The following PCDHA5 variants were observed in gnomAD, a reference collection of about 807,000 sequenced individuals.
PCDHA5 encodes protocadherin alpha 5, also known as protocadherin alpha-5.
PCDHA5 carries 43 observed loss-of-function variants against 61.6 expected under a neutral mutation model. The ratio of observed to expected loss-of-function variants is 0.70; its 90% CI spans 0.55 to 0.90. The LOEUF (loss-of-function observed/expected upper bound fraction) is 0.90, where lower values mean the gene tolerates loss of function less well. PCDHA5 is among the 40% of genes least tolerant of loss of function. The pLI is 0.00. For synonymous variants in PCDHA5, 627 were observed against 543.9 expected (o/e 1.15, Z -2.13); for missense variants, 1,298 against 1,222.7 (o/e 1.06, Z -0.92).
intron 1 of PCDHA5, chr5:140,843,171 G>A: frequency 6.3e-7 from 1 of 1,596,072 alleles, no homozygotes; most frequent in Non-Finnish European, 8.6e-7. Context: ...GCTGCAAGCA[G>A]CCCTCGCATC....
intron 1 of PCDHA5, chr5:140,883,195 T>A (rs781816525): frequency 6.2e-7 from 1 of 1,613,786 alleles, no homozygotes; most frequent in Non-Finnish European, 8.5e-7. Context: ...GCAAACTAGA[T>A]TTCGAAGAAA....
At chr5:140,962,270 A>T (rs2095668540) in intron 1 of PCDHA5, among the ~76,000 whole-genome samples, 1 of 152,210 alleles carries the variant, frequency 6.6e-6, no homozygotes, top group African/African-American at 2.4e-5. Context: ...TTTATAATTT[A>T]AAAAACCTCA....
chr5:140,927,040 A>T (rs1554203950), intron 1 of PCDHA5: 1 of 1,612,350 alleles, frequency 6.2e-7, no homozygotes, highest in Non-Finnish European at 8.5e-7. Flanking sequence ...AGCGGCCGCT[A>T]TGTCCTCGCG....
intron 3 of PCDHA5, among the ~76,000 whole-genome samples, chr5:140,997,400 G>A (rs1554255862): frequency 3.3e-5 from 5 of 152,056 alleles, no homozygotes; most frequent in Admixed American, 1.3e-4. Context: ...AGGCTCTATC[G>A]TATGGCCTAT....
chr5:140,924,902 A>AAT (rs2082141904), intron 1 of PCDHA5, among the ~76,000 whole-genome samples: 1 of 39,026 alleles, frequency 2.6e-5, no homozygotes, highest in African/African-American at 7.6e-5. Flanking sequence ...CTCAAAAAAA[A>AAT]AAATAAAATA....
rs782421721 is a variant in PCDHA5, at chr5:140,966,807, C to T, written c.2353-12142C>T. Reference sequence around the variant, plus strand: ...ACCAGACCTGCGGCGACAGAGCATCCACGGCTCCGGCGGCCCATGCCCTGG... The same window carrying T: ...ACCAGACCTGCGGCGACAGAGCATCTACGGCTCCGGCGGCCCATGCCCTGG... On this transcript the variant is annotated intron_variant, in intron 1 of 3. Transcript: ENST00000529859. 3 of 1,547,208 alleles carry T rather than the reference C, an allele frequency of 1.9e-6. No homozygotes were observed. The South Asian group carries it at 3.6e-5, about 18-fold the overall frequency.
chr5:140,982,634 T>C, intron 3 of PCDHA5, 71 bp downstream of exon 3: 1 of 1,555,420 alleles, frequency 6.4e-7, no homozygotes, highest in Non-Finnish European at 8.7e-7. Flanking sequence ...TTTTGTAAGA[T>C]CAGGAATGTT....
chr5:140,899,541 T>C (rs1469690137), intron 1 of PCDHA5, among the ~76,000 whole-genome samples: 2 of 152,210 alleles, frequency 1.3e-5, no homozygotes, highest in South Asian at 2.1e-4. Context: ...CACTTGATCA[T>C]GGTGGATAAG....
chr5:140,875,771 C>T lies in PCDHA5; in HGVS notation c.2352+51644C>T, dbSNP rs182160950. 7,595 of 1,614,196 alleles carry T rather than the reference C, an allele frequency of 4.7e-3. 28 individuals carry two copies. Among genetic ancestry groups the T allele is most frequent in the Middle Eastern group, 6.4e-3 (39 of 6,062 alleles). ...CGCGAGAAGCTGTGCGGGCGGAGCG[C>T]GGAGTGCAGTATCCACCTGGAGGTG... On this transcript the variant is annotated intron_variant, in intron 1 of 3. Transcript: ENST00000529859.
Position 140,836,712 on chromosome 5 carries a change from C to T in PCDHA5, c.2352+12585C>T, listed in dbSNP as rs2150268278. On this transcript the variant is annotated intron_variant, in intron 1 of 3. Transcript: ENST00000529859. Reference sequence around the variant, plus strand: ...CCTCATGGCCTTCAGTCCCAGCCTTCCTCAGGGTCCATCCTCTACAGACAA... The same window carrying T: ...CCTCATGGCCTTCAGTCCCAGCCTTTCTCAGGGTCCATCCTCTACAGACAA... 1.9e-6 allele frequency: 3 copies of T among 1,612,872 alleles called. 1 individual carries two copies. In the African/African-American group the frequency reaches 4.0e-5, roughly 22 times the overall value.
chr5:140,883,791 T>C, intron 1 of PCDHA5: 3 of 1,612,422 alleles, frequency 1.9e-6, no homozygotes, highest in Middle Eastern at 3.9e-4. Flanking sequence ...TCGAGCTACG[T>C]GTCGGTGCAC....
intron 1 of PCDHA5, chr5:140,830,558 T>C: frequency 9.8e-7 from 1 of 1,015,990 alleles, no homozygotes; most frequent in Non-Finnish European, 1.3e-6. Context: ...ATTTGTCTTC[T>C]ATATTTCTGT....
intron 1 of PCDHA5, chr5:140,884,671 A>G (rs1554181819): frequency 1.3e-6 from 2 of 1,562,846 alleles, no homozygotes; most frequent in African/African-American, 2.7e-5. Context: ...AGGTAAGCTT[A>G]TATTTTAAAA....
chr5:140,915,960 G>A (rs1554197207), intron 1 of PCDHA5, among the ~76,000 whole-genome samples: 1 of 152,112 alleles, frequency 6.6e-6, no homozygotes, highest in Admixed American at 6.5e-5. Flanking sequence ...TTAGAAATTT[G>A]CCTGATATTT....
At position 141,009,806 on chromosome 5, in the gene PCDHA5, A is replaced by G. The variant is rs781853535; in HGVS notation, c.2680A>G (p.Ile894Val). 18 of 1,614,018 alleles carry G rather than the reference A, an allele frequency of 1.1e-5. No individual in the cohort carries two copies. Among genetic ancestry groups the G allele is most frequent in the Non-Finnish European group, 1.5e-5 (18 of 1,180,028 alleles). ...SIRQEPTNSQ[I>V]DKSDFITFGK... is the part of the protein sequence containing the mutation. ...CCGGCAGGAGCCTACTAACAGCCAA[A>G]TTGACAAAAGTGACTTCATAACCTT... The change falls in exon 4 of 4, where the codon ATT becomes GTT. Residue 894 changes from isoleucine (I) to valine (V), a missense_variant. Physicochemically the swap from Ile to Val is conservative, Grantham distance 29 (BLOSUM62 3). Coordinates refer to ENST00000529859, the MANE Select transcript of PCDHA5 (RefSeq NM_018908.3).
intron 1 of PCDHA5, chr5:140,856,704 C>CAGT (rs2150363917): frequency 6.3e-7 from 1 of 1,596,654 alleles, no homozygotes; most frequent in East Asian, 2.2e-5. Flanking sequence ...GGAGGCAAAC[C>CAGT]TGAATTTACC....
intron 1 of PCDHA5, among the ~76,000 whole-genome samples, chr5:140,947,681 C>T (rs976876831): frequency 3.3e-5 from 5 of 151,572 alleles, no homozygotes; most frequent in Non-Finnish European, 5.9e-5. Context: ...AAAAAATTGT[C>T]TCAGCATGTT....
At position 140,835,969 on chromosome 5, in the gene PCDHA5, A is replaced by G; in HGVS notation, c.2352+11842A>G. 6.2e-7 allele frequency: 1 copy of G among 1,613,162 alleles called. No homozygotes were observed. The highest frequency in any genetic ancestry group is 1.7e-5 in the Admixed American group (1 of 60,006). On this transcript the variant is annotated intron_variant, in intron 1 of 3. Transcript: ENST00000529859. ...CAGCCGTTGGACCACGAGGAGCTGG[A>G]GCTGTTGCAGTTCCAGGTGAGCGCG... is the stretch of plus-strand genomic sequence containing the variant.
chr5:140,829,679 C>A (rs2150172389), intron 1 of PCDHA5: 1 of 1,613,198 alleles, frequency 6.2e-7, no homozygotes, highest in African/African-American at 1.3e-5. Context: ...GGAGCTAGAG[C>A]TGCTGCAGTT....
Sources: gnomAD v4.1 joint callset for allele counts (sites outside exome capture counted in the v4.1 genomes callset) on GRCh38, gnomAD v4.1.1 for gene constraint, MANE v1.5 for transcripts, NCBI Gene and HGNC (gene_info 2026-07-23, HGNC 2026-07-21) for gene names.